TINAG: variants seen among roughly 807,000 people sequenced by gnomAD.
The protein encoded by TINAG is tubulointerstitial nephritis antigen.
Under a neutral mutation model 72.7 loss-of-function variants are expected in TINAG, and 83 were observed. The observed-to-expected ratio is 1.14, with a 90% CI of 0.96 to 1.37. The LOEUF is 1.37. TINAG is among the 40% of genes most tolerant of loss of function. The pLI is 0.00. For missense variants in TINAG, 685 were observed against 576.6 expected (o/e 1.19, Z -1.93); for synonymous variants, 234 against 189.9 (o/e 1.23, Z -1.91).
intron 4 of TINAG, among the ~76,000 whole-genome samples, chr6:54,342,257 G>A (rs555652147): frequency 3.4e-4 from 51 of 152,176 alleles, no homozygotes; most frequent in Non-Finnish European, 6.5e-4. Context: ...AATTTAGTTG[G>A]CTTCTTGGAA....
At chr6:54,379,943 A>G (rs1223970978) in intron 9 of TINAG, among the ~76,000 whole-genome samples, 1 of 151,826 alleles carries the variant, frequency 6.6e-6, no homozygotes, top group Non-Finnish European at 1.5e-5. Flanking sequence ...CCCGACCCCC[A>G]AACAGGCCCC....
chr6:54,354,687 A>G, intron 9 of TINAG, 51 bp downstream of exon 9: 1 of 1,566,824 alleles, frequency 6.4e-7, no homozygotes, highest in Non-Finnish European at 8.7e-7. Context: ...ATGAAACTGA[A>G]AATAAGAATA....
intron 7 of TINAG, among the ~76,000 whole-genome samples, chr6:54,350,523 C>G (rs906843101): frequency 2.6e-5 from 4 of 151,440 alleles, no homozygotes; most frequent in African/African-American, 9.7e-5. Context: ...GCATCTGCCA[C>G]TCTACCCAGC....
At chr6:54,342,551 G>A (rs193061204) in intron 4 of TINAG, among the ~76,000 whole-genome samples, 2 of 151,998 alleles carry the variant, frequency 1.3e-5, no homozygotes, top group African/African-American at 4.8e-5. Context: ...TGTATTTTTA[G>A]TAAAGACGGG....
rs571124177 is a variant in TINAG at position 54,368,582 on chromosome 6, G to A, written c.1251-11944G>A. 7.6e-4 allele frequency among the ~76,000 whole-genome samples: 114 copies of A among 150,920 alleles called. 2 individuals are homozygous for A. Among genetic ancestry groups the A allele is most frequent in the African/African-American group, 2.7e-3 (112 of 41,328 alleles). On this transcript the variant is annotated intron_variant, in intron 9 of 10. Transcript: ENST00000259782. ...ATTAAATTCTTATATAAATTTATTA[G>A]GGTTTGATTCTAGGGTGTCTTGTTC...
At chr6:54,377,704 AAG>A (rs1265731791) in intron 9 of TINAG, among the ~76,000 whole-genome samples, 3 of 152,136 alleles carry the variant, frequency 2.0e-5, no homozygotes, top group Non-Finnish European at 2.9e-5. Context: ...ACTGACTTAT[AAG>A]AGAACATTTG....
At chr6:54,350,576 T>G (rs1392565435) in intron 7 of TINAG, among the ~76,000 whole-genome samples, 1 of 150,206 alleles carries the variant, frequency 6.7e-6, no homozygotes, top group African/African-American at 2.5e-5. Context: ...TTTCCCCAGG[T>G]ACACCATGCT....
intron 4 of TINAG, among the ~76,000 whole-genome samples, chr6:54,336,791 G>T (rs1389163961): frequency 6.6e-6 from 1 of 151,954 alleles, no homozygotes; most frequent in African/African-American, 2.4e-5. Flanking sequence ...TATTAAGAAG[G>T]CTAGTATGGC....
chr6:54,307,875 A>C, upstream of TINAG: 2 of 617,038 alleles, frequency 3.2e-6, no homozygotes, highest in Non-Finnish European at 5.7e-6. Context: ...GTTTGTGCTA[A>C]GCAGGGACTC....
At chr6:54,322,586 C>T (rs564091170) in intron 3 of TINAG, among the ~76,000 whole-genome samples, 1 of 152,236 alleles carries the variant, frequency 6.6e-6, no homozygotes, top group African/African-American at 2.4e-5. Flanking sequence ...AGTGTAATCT[C>T]CTTCCACATA....
Position 54,317,946 on chromosome 6 carries a change from C to T in TINAG, c.356-2633C>T, listed in dbSNP as rs533431205. Among the ~76,000 whole-genome samples, 94 of 152,148 alleles carry T rather than the reference C, an allele frequency of 6.2e-4. 1 individual carries two copies. The highest frequency in any genetic ancestry group is 1.6e-3 in the African/African-American group (67 of 41,518). On this transcript the variant is annotated intron_variant, in intron 1 of 10. Coordinates refer to ENST00000259782, the MANE Select transcript of TINAG (RefSeq NM_014464.4). ...GTCTGTTTTTGTGTTCTTGGCCTCT[C>T]GACAGTACTGTATGCAGCTGACCAC...
chr6:54,379,374 C>G (rs1046703393), intron 9 of TINAG, among the ~76,000 whole-genome samples: 1 of 152,082 alleles, frequency 6.6e-6, no homozygotes, highest in Non-Finnish European at 1.5e-5. Context: ...TAATACCTAC[C>G]TCGCTGGATT....
intron 4 of TINAG, among the ~76,000 whole-genome samples, chr6:54,328,168 G>C (rs1784652982): frequency 6.6e-6 from 1 of 152,118 alleles, no homozygotes; most frequent in Admixed American, 6.6e-5. Flanking sequence ...CATGCCTCTT[G>C]ACTGGGAGAC....
At chr6:54,345,894 A>G (rs529017110) in intron 5 of TINAG, among the ~76,000 whole-genome samples, 1 of 152,218 alleles carries the variant, frequency 6.6e-6, no homozygotes, top group South Asian at 2.1e-4. Flanking sequence ...AAAATTTTTA[A>G]TTAGCACCTT....
chr6:54,326,565 G>A (rs9370289), intron 3 of TINAG, among the ~76,000 whole-genome samples: 69,826 of 151,644 alleles, frequency 0.46, 17,080 homozygotes, highest in Middle Eastern at 0.58. Context: ...TATGTTCTTC[G>A]TAAGAATCAT....
At chr6:54,363,378 TTTGGAC>T (rs1763298802) in intron 9 of TINAG, among the ~76,000 whole-genome samples, 1 of 150,528 alleles carries the variant, frequency 6.6e-6, no homozygotes, top group Admixed American at 6.6e-5. Flanking sequence ...AAGACAAGAG[TTTGGAC>T]TTGGTAAGAT....
At chr6:54,361,973 G>GTAAGC (rs1763251785) in intron 9 of TINAG, among the ~76,000 whole-genome samples, 1 of 151,654 alleles carries the variant, frequency 6.6e-6, no homozygotes, top group Non-Finnish European at 1.5e-5. Flanking sequence ...ACAAAGGTGA[G>GTAAGC]TAAGCTGCTG....
At chr6:54,381,888 G>T (rs1763961187) in intron 10 of TINAG, among the ~76,000 whole-genome samples, 1 of 151,846 alleles carries the variant, frequency 6.6e-6, no homozygotes, top group African/African-American at 2.4e-5. Flanking sequence ...GCACTTGATG[G>T]CCATTTGCTG....
chr6:54,334,569 A>T (rs1395221176), intron 4 of TINAG, among the ~76,000 whole-genome samples: 1 of 152,200 alleles, frequency 6.6e-6, no homozygotes. Flanking sequence ...AGTGGATCCT[A>T]TCATTACTCA....
Sources: gnomAD v4.1 joint callset for allele counts (sites outside exome capture counted in the v4.1 genomes callset) on GRCh38, gnomAD v4.1.1 for gene constraint, MANE v1.5 for transcripts, NCBI Gene and HGNC (gene_info 2026-07-23, HGNC 2026-07-21) for gene names.